The following CANT1 variants were observed in gnomAD, a reference collection of about 807,000 sequenced individuals.
The protein encoded by CANT1 is soluble calcium-activated nucleotidase 1.
In CANT1, 26 loss-of-function variants were observed where a neutral mutation model predicts 30.0. That is an observed-to-expected ratio of 0.87 (90% CI 0.64 to 1.20). The LOEUF is 1.20. Among genes scored for constraint, CANT1 ranks in the 50% most tolerant of loss-of-function variants. The pLI, the probability that CANT1 is intolerant of heterozygous loss-of-function variation, is 0.00. For synonymous variants in CANT1, 246 were observed against 251.8 expected, an observed-to-expected ratio of 0.98 and a Z score of 0.22; for missense variants, 518 against 563.0, an observed-to-expected ratio of 0.92 and a Z score of 0.81.
chr17:79,000,747 C>T (rs1000624367), intron 1 of CANT1, among the ~76,000 whole-genome samples: 1 of 152,216 alleles, frequency 6.6e-6, no homozygotes, highest in Non-Finnish European at 1.5e-5. Context: ...CTGCTCTTCG[C>T]ACCAGCAGCT....
intron 1 of CANT1, among the ~76,000 whole-genome samples, chr17:79,005,159 A>AGGAGTTAAGGAGAGG (rs1555665076): frequency 4.5e-4 from 14 of 31,162 alleles, no homozygotes; most frequent in African/African-American, 2.3e-3. Context: ...AGTTAGGGAG[A>AGGAGTTAAGGAGAGG]GGAGTTAAGG....
chr17:79,008,415 C>T lies in CANT1; in HGVS notation c.-147+1249G>A, dbSNP rs1297476625. ...CCCGCTTCCTTTTAGGAGCCTTCTA[C>T]GACCTGACACTTGTTTCAAGTTTGG... On this transcript the variant is annotated intron_variant, in intron 1 of 4. Transcript: ENST00000392446. This position sits in a 1 kb window ranked among gnomAD's most constrained non-coding sequence, Gnocchi z 4.4. Among the ~76,000 whole-genome samples, 1 of 152,220 alleles carries T rather than the reference C, an allele frequency of 6.6e-6. No homozygotes were observed. Among genetic ancestry groups the T allele is most frequent in the African/African-American group, 2.4e-5 (1 of 41,452 alleles).
chr17:78,995,985 T>G lies in CANT1; in HGVS notation c.632-764A>C, dbSNP rs568423772. ...GGTCTTCCATCCCTCCCGGATGACCTGAGTACAGCCCAACCCCAGAGCTCC... is the reference window on the plus strand; with the variant it reads ...GGTCTTCCATCCCTCCCGGATGACCGGAGTACAGCCCAACCCCAGAGCTCC... On this transcript the variant is annotated intron_variant, in intron 3 of 4. Coordinates refer to ENST00000392446, the MANE Select transcript of CANT1 (RefSeq NM_001159773.2). The surrounding 1 kb of genome is among the most constrained non-coding windows in gnomAD (Gnocchi z 5.7). 6.6e-6 allele frequency among the ~76,000 whole-genome samples: 1 copy of G among 152,234 alleles called. No homozygotes were observed. Among genetic ancestry groups the G allele is most frequent in the African/African-American group, 2.4e-5 (1 of 41,552 alleles).
chr17:78,996,872 C>T lies in CANT1; in HGVS notation c.631+120G>A. The T allele has an allele frequency of 7.2e-7, 1 of 1,393,320 alleles. No individual in the cohort carries two copies. The highest frequency in any genetic ancestry group is 1.2e-5 in the South Asian group (1 of 86,130). The allele number at this position is 1,393,320 out of a possible 1,614,324, so 86.3% of individuals were successfully genotyped here. ...GTCAGAGCAAGAGGGAGACGTGCTC[C>T]CTCACCACATCCCTGGCTTCTAGGT... is the stretch of plus-strand genomic sequence containing the variant. On this transcript the variant is annotated intron_variant, in intron 3 of 4. Transcript: ENST00000392446. The surrounding 1 kb of genome is among the most constrained non-coding windows in gnomAD (Gnocchi z 5.1).
chr17:79,009,009 C>T (rs2071646865), intron 1 of CANT1, among the ~76,000 whole-genome samples: 1 of 152,172 alleles, frequency 6.6e-6, no homozygotes, highest in Non-Finnish European at 1.5e-5. Context: ...GGAGACCCTG[C>T]ATAGACCAGA....
In CANT1 at chr17:78,995,301, C is replaced by G; in HGVS notation, c.632-80G>C. 6.9e-7 allele frequency: 1 copy of G among 1,451,686 alleles called. No individual in the cohort carries two copies. The highest frequency in any genetic ancestry group is 1.4e-5 in the African/African-American group (1 of 72,080). 89.9% of individuals were successfully genotyped at this position (1,451,686 alleles called of 1,614,324 possible). ...ACCTGGCTCCCACCCGGCCCCGCACCTGTCCTTAGACCCCGCACCTGACTC... is the reference window on the plus strand; with the variant it reads ...ACCTGGCTCCCACCCGGCCCCGCACGTGTCCTTAGACCCCGCACCTGACTC... On this transcript the variant is annotated intron_variant, in intron 3 of 4. Coordinates refer to ENST00000392446, the MANE Select transcript of CANT1 (RefSeq NM_001159773.2). This position sits in a 1 kb window ranked among gnomAD's most constrained non-coding sequence, Gnocchi z 5.7.
At chr17:79,009,198 G>C (rs962378622) in intron 1 of CANT1, among the ~76,000 whole-genome samples, 17 of 144,720 alleles carry the variant, frequency 1.2e-4, no homozygotes, top group Admixed American at 1.0e-3. Flanking sequence ...TAATCAGAGC[G>C]GGGAGGTGCC....
Position 79,000,601 on chromosome 17 carries a change from C to A in CANT1, c.-146-2638G>T, listed in dbSNP as rs141292477. Among the ~76,000 whole-genome samples the A allele has an allele frequency of 3.7e-3, 557 of 152,294 alleles. 5 individuals carry two copies. Among genetic ancestry groups the A allele is most frequent in the African/African-American group, 0.013 (539 of 41,558 alleles). The stretch of plus-strand genomic sequence containing the variant: ...CGGCTTCCTCAGGTCCTGGGGTGAA[C>A]CCACTCTGCTCCCGCTCAGCCCTCA... On this transcript the variant is annotated intron_variant, in intron 1 of 4. Transcript: ENST00000392446.
At chr17:78,999,997 T>C (rs2071194653) in intron 1 of CANT1, 1 of 152,034 alleles carries the variant, frequency 6.6e-6, no homozygotes, top group Non-Finnish European at 1.5e-5. Context: ...GGCCTCGTTA[T>C]ATTGTCCAGG....
In CANT1 at chr17:78,995,523, C is replaced by T. The variant is rs140471781; in HGVS notation, c.632-302G>A. Among the ~76,000 whole-genome samples, 10 of 152,356 alleles carry T rather than the reference C, an allele frequency of 6.6e-5. No individual in the cohort carries two copies. The highest frequency in any genetic ancestry group is 1.9e-4 in the East Asian group (1 of 5,184). ...GGCTAGAAAAGCTGAAAAGTGACAG[C>T]ACTCTGAAGGGGCACGTGTGTCCCA... On this transcript the variant is annotated intron_variant, in intron 3 of 4. Coordinates refer to ENST00000392446, the MANE Select transcript of CANT1 (RefSeq NM_001159773.2). The surrounding 1 kb of genome is among the most constrained non-coding windows in gnomAD (Gnocchi z 5.7).
chr17:78,992,552 C>A lies in CANT1; in HGVS notation c.*998G>T, dbSNP rs78037898. On this transcript the variant is annotated 3_prime_UTR_variant, in exon 5 of 5. Transcript: ENST00000392446. Reference sequence around the variant, plus strand: ...GAGAAATAAAGGCCATGGAAAGAAACCCCAGGGAAGAGACAGGCCTCGTTC... The same window carrying A: ...GAGAAATAAAGGCCATGGAAAGAAAACCCAGGGAAGAGACAGGCCTCGTTC... 418 of 386,710 alleles carry A rather than the reference C, an allele frequency of 1.1e-3. 2 individuals carry two copies. In the East Asian group the frequency reaches 0.018, roughly 17 times the overall value. The allele number at this position is 386,710 out of a possible 1,614,324, so 24.0% of individuals were successfully genotyped here.
At chr17:78,994,397 C>T (rs2145836021) in intron 4 of CANT1, among the ~76,000 whole-genome samples, 1 of 152,352 alleles carries the variant, frequency 6.6e-6, no homozygotes, top group African/African-American at 2.4e-5. Context: ...GGCCAAAGTG[C>T]TGCTGGCCCT....
In CANT1 at chr17:78,995,570, C is replaced by T. The variant is rs557202103; in HGVS notation, c.632-349G>A. On this transcript the variant is annotated intron_variant, in intron 3 of 4. Transcript: ENST00000392446. The surrounding 1 kb of genome is among the most constrained non-coding windows in gnomAD (Gnocchi z 5.7). ...CCCAGGGGAGTGCGGGTGCTGCCCT[C>T]GGCCACACCTGAGGTCTCACCGAGC... Among the ~76,000 whole-genome samples, 1 of 152,356 alleles carries T rather than the reference C, an allele frequency of 6.6e-6. No homozygotes were observed. Among genetic ancestry groups the T allele is most frequent in the South Asian group, 2.1e-4 (1 of 4,832 alleles).
Position 78,997,556 on chromosome 17 carries a change from C to A in CANT1, c.67G>T (p.Gly23Trp), listed in dbSNP as rs139022430. Reference sequence around the variant, plus strand: ...ATGGACGCCAGCACAGGAAGGCCCCCCACACTGATCCGGAGGGAGTGCATA... The same window carrying A: ...ATGGACGCCAGCACAGGAAGGCCCCACACACTGATCCGGAGGGAGTGCATA... ...ESMHSLRISV[G>W]GLPVLASMTK... Residue 23 changes from glycine to tryptophan, a missense_variant, in exon 3 of 5, where the codon GGG (glycine) becomes TGG (tryptophan). Physicochemically the swap from Gly to Trp is radical, Grantham distance 184. Coordinates refer to ENST00000392446, the MANE Select transcript of CANT1 (RefSeq NM_001159773.2). This position sits in a 1 kb window ranked among gnomAD's most constrained non-coding sequence, Gnocchi z 7.5. 191 of 1,562,934 alleles carry A rather than the reference C, an allele frequency of 1.2e-4. No homozygotes were observed. The African/African-American group carries it at 2.1e-3, about 17-fold the overall frequency.
rs757251090 is a variant in CANT1 at position 78,997,344 on chromosome 17, C to T, written c.279G>A (p.Leu93=). Residue 93 remains leucine (L), a synonymous_variant, in exon 3 of 5, where the codon CTG becomes CTA. Coordinates refer to ENST00000392446, the MANE Select transcript of CANT1 (RefSeq NM_001159773.2). The surrounding 1 kb of genome is among the most constrained non-coding windows in gnomAD (Gnocchi z 7.5). ...CAGCCGGTGTCCTTTGTGGGGGAGA[C>T]AGGGGGTAGGTGTCATTGTACCAGT... ...PANWYNDTYP[L]SPPQRTPAGI... 6.2e-7 allele frequency: 1 copy of T among 1,613,882 alleles called. No homozygotes were observed. The highest frequency in any genetic ancestry group is 1.1e-5 in the South Asian group (1 of 91,076).
intron 1 of CANT1, among the ~76,000 whole-genome samples, chr17:79,009,157 C>T (rs1396480720): frequency 6.6e-6 from 1 of 150,966 alleles, no homozygotes; most frequent in Non-Finnish European, 1.5e-5. Flanking sequence ...GGAGGTGCCC[C>T]ACATGAATCA....
rs2071059571 is a variant in CANT1, at chr17:78,997,059, G to A, written c.564C>T (p.Tyr188=). ...GCACGGCTTTGCTGCCTTCGATCTG[G>A]TAGACGACCCCCGTCCGGTCATCCA... is the stretch of plus-strand genomic sequence containing the variant. ...YSVDDRTGVV[Y]QIEGSKAVPW... is the part of the protein sequence containing the mutation. Residue 188 remains tyrosine (Y), a synonymous_variant, in exon 3 of 5, where the codon TAC becomes TAT. Transcript: ENST00000392446. This position sits in a 1 kb window ranked among gnomAD's most constrained non-coding sequence, Gnocchi z 7.5. The A allele has an allele frequency of 8.7e-6, 14 of 1,614,190 alleles. No homozygotes were observed. The highest frequency in any genetic ancestry group is 1.3e-5 in the African/African-American group (1 of 75,042).
At chr17:78,994,052 C>T (rs1183686099) in intron 4 of CANT1, 132 bp from the exon 5 acceptor site, 1 of 1,230,216 alleles carries the variant, frequency 8.1e-7, no homozygotes, top group South Asian at 1.5e-5. Flanking sequence ...CAACCCGCCC[C>T]TCCCTGCTCT....
chr17:78,993,625 G>C lies in CANT1; in HGVS notation c.1131C>G (p.Phe377Leu), dbSNP rs147738899. ...GCAACAGGAAGCGCCCGTCCAGCGT[G>C]AAGGCCATGATGTAGGAGGCGACTC... ...SGRVASYIMA[F>L]TLDGRFLLPE... The change falls in exon 5 of 5, where the codon TTC becomes TTG. Residue 377 changes from phenylalanine to leucine, a missense_variant. This residue lies in a region of CANT1 where 221 missense variants were observed against 211.8 expected (regional missense o/e 1.04). Coordinates refer to ENST00000392446, the MANE Select transcript of CANT1 (RefSeq NM_001159773.2). This position sits in a 1 kb window ranked among gnomAD's most constrained non-coding sequence, Gnocchi z 4.5. The C allele has an allele frequency of 6.2e-7, 1 of 1,614,282 alleles. No individual in the cohort carries two copies.
Sources: gnomAD v4.1 joint callset for allele counts (sites outside exome capture counted in the v4.1 genomes callset) on GRCh38, gnomAD v4.1.1 for gene constraint, gnomAD v4.1.1 regional missense constraint, Gnocchi (gnomAD v3.1) non-coding constraint, MANE v1.5 for transcripts, NCBI Gene and HGNC (gene_info 2026-07-23, HGNC 2026-07-21) for gene names.